PLXDC2: variants seen among roughly 807,000 people sequenced by gnomAD.
The protein encoded by PLXDC2 is plexin domain-containing protein 2.
Under a neutral mutation model 68.9 loss-of-function variants are expected in PLXDC2, and 40 were observed. That is an observed-to-expected ratio of 0.58 (90% CI 0.45 to 0.76). PLXDC2 has a LOEUF of 0.76. Ranked by LOEUF, PLXDC2 falls within the 30% of genes least tolerant of loss-of-function variation. PLXDC2 has a pLI of 0.00. For synonymous variants in PLXDC2, 243 were observed against 234.2 expected (o/e 1.04, Z -0.34); for missense variants, 644 against 661.9 (o/e 0.97, Z 0.30).
Position 20,281,621 on chromosome 10 carries a change from T to C in PLXDC2, c.*1802T>C, listed in dbSNP as rs1256206891. On this transcript the variant is annotated 3_prime_UTR_variant, in exon 14 of 14. Coordinates refer to ENST00000377252, the MANE Select transcript of PLXDC2 (RefSeq NM_032812.9). ...TACAATTTTAAGTATTTGATGAAGA[T>C]GGTAACTTTTTCCTAACTTAGTTAA... The C allele has an allele frequency of 2.0e-5, 3 of 152,174 alleles. No individual in the cohort carries two copies. The highest frequency in any genetic ancestry group is 4.4e-5 in the Non-Finnish European group (3 of 68,030). The allele number at this position is 152,174 out of a possible 1,614,324, so 9.4% of individuals were successfully genotyped here.
chr10:20,014,366 CCTTCCTTCCTTCCTTG>C (rs1436556610), intron 2 of PLXDC2, among the ~76,000 whole-genome samples: 54 of 70,100 alleles, frequency 7.7e-4, no homozygotes, highest in African/African-American at 1.5e-3. Flanking sequence ...TTCCTTCCTT[CCTTCCTTCCTTCCTTG>C]CTTCCTTCCT....
At chr10:20,241,270 T>G (rs1000250964) in intron 12 of PLXDC2, among the ~76,000 whole-genome samples, 1 of 152,222 alleles carries the variant, frequency 6.6e-6, no homozygotes, top group African/African-American at 2.4e-5. Flanking sequence ...GTTATGGTTG[T>G]TATATTCCAA....
intron 10 of PLXDC2, among the ~76,000 whole-genome samples, chr10:20,215,683 T>C (rs184290390): frequency 3.3e-5 from 5 of 151,822 alleles, no homozygotes; most frequent in Admixed American, 3.3e-4. Context: ...TAGGTAGAAA[T>C]AGGTTGAAAG....
chr10:20,071,899 C>G (rs1836322050), intron 4 of PLXDC2, among the ~76,000 whole-genome samples: 1 of 152,144 alleles, frequency 6.6e-6, no homozygotes, highest in Non-Finnish European at 1.5e-5. Context: ...AAGGAAGAGG[C>G]ATTCCAGACA....
intron 12 of PLXDC2, among the ~76,000 whole-genome samples, chr10:20,233,357 C>T (rs1287361620): frequency 1.1e-5 from 1 of 95,014 alleles, no homozygotes; most frequent in Non-Finnish European, 2.1e-5. Flanking sequence ...GAGATCCCAT[C>T]TCTACAAAAA....
intron 4 of PLXDC2, among the ~76,000 whole-genome samples, chr10:20,101,388 T>A (rs1285609038): frequency 6.6e-6 from 1 of 152,218 alleles, no homozygotes; most frequent in African/African-American, 2.4e-5. Context: ...TCCTAAGGAA[T>A]CTACTGTCTA....
intron 7 of PLXDC2, among the ~76,000 whole-genome samples, chr10:20,174,911 A>G (rs1462161768): frequency 6.6e-6 from 1 of 152,118 alleles, no homozygotes; most frequent in Non-Finnish European, 1.5e-5. Context: ...CACTTCTACT[A>G]AAAGGTAACT....
intron 1 of PLXDC2, among the ~76,000 whole-genome samples, chr10:19,981,723 G>T (rs970418200): frequency 5.3e-5 from 8 of 152,180 alleles, no homozygotes; most frequent in African/African-American, 1.9e-4. Context: ...TTAGGTTGCA[G>T]CCAACTCTTT....
intron 12 of PLXDC2, among the ~76,000 whole-genome samples, chr10:20,240,873 G>GTTTGGAA (rs1835505841): frequency 6.6e-6 from 1 of 152,106 alleles, no homozygotes; most frequent in African/African-American, 2.4e-5. Context: ...ATATTTTGGA[G>GTTTGGAA]TTGAGTATGC....
rs1479656325 is a variant in PLXDC2 at position 20,217,486 on chromosome 10, A to G, written c.1183A>G (p.Thr395Ala). 3.1e-6 allele frequency: 5 copies of G among 1,612,550 alleles called. No homozygotes were observed. Among genetic ancestry groups the G allele is most frequent in the East Asian group, 2.2e-5 (1 of 44,788 alleles). The change falls in exon 11 of 14, where the codon ACC becomes GCC. Residue 395 changes from threonine (T) to alanine (A), a missense_variant. Transcript: ENST00000377252. Reference sequence around the variant, plus strand: ...GGAAACTTCTTCTCGAACCACCACAACCGTAGGAGCGACAACCACCCAGTT... The same window carrying G: ...GGAAACTTCTTCTCGAACCACCACAGCCGTAGGAGCGACAACCACCCAGTT... ...PVETSSRTTT[T>A]VGATTTQFRV...
In PLXDC2 at chr10:20,089,908, C is replaced by G. The variant is rs183711517; in HGVS notation, c.541+21669C>G. On this transcript the variant is annotated intron_variant, in intron 4 of 13. Coordinates refer to ENST00000377252, the MANE Select transcript of PLXDC2 (RefSeq NM_032812.9). ...TATTTTAACACAGACTCCATCTTGA[C>G]TTTGTAAGGATGACATGACCGTTAG... 2.0e-3 allele frequency among the ~76,000 whole-genome samples: 297 copies of G among 152,306 alleles called. 1 individual carries two copies. Among genetic ancestry groups the G allele is most frequent in the South Asian group, 5.6e-3 (27 of 4,830 alleles).
intron 3 of PLXDC2, among the ~76,000 whole-genome samples, chr10:20,056,868 C>T (rs1836007875): frequency 1.3e-5 from 2 of 152,086 alleles, no homozygotes; most frequent in South Asian, 4.1e-4. Flanking sequence ...GATAGATAAA[C>T]ATCTATTCAC....
At chr10:19,825,094 C>G (rs963212471) in intron 1 of PLXDC2, among the ~76,000 whole-genome samples, 5 of 152,116 alleles carry the variant, frequency 3.3e-5, no homozygotes, top group Admixed American at 6.5e-5. Context: ...TGCTTGAGGC[C>G]TTATCATAGT....
At chr10:20,152,152 A>G (rs1834160672) in intron 6 of PLXDC2, among the ~76,000 whole-genome samples, 1 of 152,134 alleles carries the variant, frequency 6.6e-6, no homozygotes, top group South Asian at 2.1e-4. Context: ...TCAATAGCAT[A>G]ATTTTTTTGC....
intron 13 of PLXDC2, among the ~76,000 whole-genome samples, chr10:20,278,643 C>G (rs1190239943): frequency 6.6e-6 from 1 of 151,684 alleles, no homozygotes; most frequent in African/African-American, 2.4e-5. Flanking sequence ...CAATATAGAG[C>G]TAATAGTCAT....
chr10:19,940,979 G>C (rs1833809741), intron 1 of PLXDC2, among the ~76,000 whole-genome samples: 1 of 152,180 alleles, frequency 6.6e-6, no homozygotes, highest in Admixed American at 6.5e-5. Context: ...AGGGTGAGAA[G>C]AGATTAGTTC....
intron 1 of PLXDC2, among the ~76,000 whole-genome samples, chr10:19,847,512 TAAG>T (rs1281050036): frequency 6.6e-6 from 1 of 152,182 alleles, no homozygotes; most frequent in Non-Finnish European, 1.5e-5. Context: ...TAGGAATGTA[TAAG>T]AAGAACTCTG....
chr10:20,115,140 C>T (rs983669414), intron 4 of PLXDC2, among the ~76,000 whole-genome samples: 1 of 152,102 alleles, frequency 6.6e-6, no homozygotes, highest in Non-Finnish European at 1.5e-5. Flanking sequence ...TGCCATAAAC[C>T]AGAGGGCCAG....
At chr10:20,167,627 T>G (rs1395915589) in intron 7 of PLXDC2, among the ~76,000 whole-genome samples, 1 of 152,138 alleles carries the variant, frequency 6.6e-6, no homozygotes, top group Non-Finnish European at 1.5e-5. Context: ...TAGTTTCATT[T>G]CTTCTGTATT....
Sources: allele counts gnomAD v4.1 joint callset (sites outside exome capture counted in the v4.1 genomes callset), GRCh38; gene constraint gnomAD v4.1.1; transcripts MANE v1.5; gene names NCBI Gene and HGNC (gene_info 2026-07-23, HGNC 2026-07-21).